Variants in YWHAQ observed in about 807,000 individuals in gnomAD.
YWHAQ encodes the protein 14-3-3 protein theta.
Under a neutral mutation model 28.3 loss-of-function variants are expected in YWHAQ, and 6 were observed. That is an observed-to-expected ratio of 0.21 (90% CI 0.12 to 0.42). The LOEUF is 0.42. Among genes scored for constraint, YWHAQ ranks in the 10% least tolerant of loss-of-function variants. YWHAQ has a pLI of 1.00. For missense variants in YWHAQ, 201 were observed against 305.6 expected (o/e 0.66, Z 2.55); for synonymous variants, 143 against 119.1 (o/e 1.20, Z -1.31).
intron 2 of YWHAQ, among the ~76,000 whole-genome samples, chr2:9,606,888 CTT>C (rs869191589): frequency 5.6e-5 from 8 of 143,720 alleles, no homozygotes; most frequent in Admixed American, 1.4e-4. Context: ...TAATATTTTT[CTT>C]TTTTTTTTTT....
intron 2 of YWHAQ, among the ~76,000 whole-genome samples, chr2:9,614,494 G>A (rs1490581110): frequency 6.6e-6 from 1 of 152,112 alleles, no homozygotes; most frequent in African/African-American, 2.4e-5. Flanking sequence ...AAAATGGGGG[G>A]CAAAAGTCAA....
chr2:9,614,640 A>G (rs542864960), intron 2 of YWHAQ, among the ~76,000 whole-genome samples: 44 of 152,328 alleles, frequency 2.9e-4, no homozygotes, highest in African/African-American at 9.4e-4. Context: ...CTATATCCTA[A>G]GAAGACTACT....
chr2:9,617,519 C>T (rs1667061302), intron 2 of YWHAQ, among the ~76,000 whole-genome samples: 1 of 152,128 alleles, frequency 6.6e-6, no homozygotes, highest in African/African-American at 2.4e-5. Context: ...TGAAGAGTTG[C>T]AGACGATGGT....
chr2:9,595,197 T>C (rs1416128313), intron 2 of YWHAQ, among the ~76,000 whole-genome samples: 1 of 152,238 alleles, frequency 6.6e-6, no homozygotes, highest in Non-Finnish European at 1.5e-5. Flanking sequence ...AGTAAAGATG[T>C]ATACTTTAGC....
At chr2:9,587,349 C>A in intron 5 of YWHAQ, 65 bp downstream of exon 5, 1 of 1,457,380 alleles carries the variant, frequency 6.9e-7, no homozygotes, top group South Asian at 1.3e-5. Flanking sequence ...ACACGAAGTC[C>A]AAAATAAAAT....
chr2:9,617,434 G>A lies in YWHAQ; in HGVS notation c.294+12725C>T, dbSNP rs113361994. ...GGTACCTAGAGTAGTCAAATTCATA[G>A]AAAGTAGAATGGTGGTTGCCAGCGG... On this transcript the variant is annotated intron_variant, in intron 2 of 5. Coordinates refer to ENST00000238081, the MANE Select transcript of YWHAQ (RefSeq NM_006826.4). Among the ~76,000 whole-genome samples, 954 of 152,216 alleles carry A rather than the reference G, an allele frequency of 6.3e-3. 5 individuals carry two copies. The highest frequency in any genetic ancestry group is 0.022 in the African/African-American group (914 of 41,524).
intron 2 of YWHAQ, among the ~76,000 whole-genome samples, chr2:9,617,123 G>A (rs1336279780): frequency 6.9e-6 from 1 of 145,648 alleles, no homozygotes; most frequent in Admixed American, 6.8e-5. Context: ...ACTACGCCCG[G>A]CTAATTTTTT....
At position 9,588,325 on chromosome 2, in the gene YWHAQ, G is replaced by A. The variant is rs767312364; in HGVS notation, c.422C>T (p.Thr141Met). ...EVACGDDRKQTIDNSQGAYQE... is the reference protein window; with the variant it reads ...EVACGDDRKQMIDNSQGAYQE... ...GTAAGCTCCTTGGGAATTATCTATC[G>A]TTTCTGTGAAGAGCGAAAAATAAGA... The change falls in exon 4 of 6, where the codon ACG (threonine) becomes ATG (methionine). Residue 141 changes from threonine (T) to methionine (M), a missense_variant. By Grantham distance (81) the Thr-to-Met change is moderately conservative. Transcript: ENST00000238081. 1.1e-5 allele frequency: 17 copies of A among 1,605,920 alleles called. No individual in the cohort carries two copies. Among genetic ancestry groups the A allele is most frequent in the Non-Finnish European group, 8.5e-6 (10 of 1,178,070 alleles).
chr2:9,610,838 C>T (rs140120317), intron 2 of YWHAQ, among the ~76,000 whole-genome samples: 55 of 152,220 alleles, frequency 3.6e-4, no homozygotes, highest in African/African-American at 1.3e-3. Context: ...AATTTACCTT[C>T]CTGACACGAT....
rs1667353370 is a variant in YWHAQ, at chr2:9,630,621, C to T, written c.-82-87G>A. 4.9e-6 allele frequency: 3 copies of T among 608,164 alleles called. No homozygotes were observed. The highest frequency in any genetic ancestry group is 3.8e-5 in the Admixed American group (1 of 26,540). The allele number at this position is 608,164 out of a possible 1,614,324, so 37.7% of individuals were successfully genotyped here. A position where few individuals can be genotyped will look rare whatever the true frequency, so the allele number is the denominator to read the frequency against. On this transcript the variant is annotated intron_variant, in intron 1 of 5. Transcript: ENST00000238081. This position sits in a 1 kb window ranked among gnomAD's most constrained non-coding sequence, Gnocchi z 5.6. ...TGCGGCCCGCCGCCCGCTTTTGTCTCCCGCACACGCGGCCGCTTGAATTTC... is the reference window on the plus strand; with the variant it reads ...TGCGGCCCGCCGCCCGCTTTTGTCTTCCGCACACGCGGCCGCTTGAATTTC...
Position 9,630,511 on chromosome 2 carries a change from C to T in YWHAQ, c.-59G>A, listed in dbSNP as rs1344517986. On this transcript the variant is annotated 5_prime_UTR_variant, in exon 2 of 6. Transcript: ENST00000238081. This position sits in a 1 kb window ranked among gnomAD's most constrained non-coding sequence, Gnocchi z 5.6. ...GAGGAGAGCGAGGGCGAGCGCCGACCCGCAGCGGGAGGAGCCTCGAGAGCT... is the reference window on the plus strand; with the variant it reads ...GAGGAGAGCGAGGGCGAGCGCCGACTCGCAGCGGGAGGAGCCTCGAGAGCT... The T allele has an allele frequency of 4.1e-6, 6 of 1,466,622 alleles. No homozygotes were observed. Among genetic ancestry groups the T allele is most frequent in the Non-Finnish European group, 5.4e-6 (6 of 1,107,974 alleles). 90.9% of individuals were successfully genotyped at this position (1,466,622 alleles called of 1,614,324 possible). A position where few individuals can be genotyped will look rare whatever the true frequency, so the allele number is the denominator to read the frequency against.
chr2:9,617,417 G>C (rs1037804572), intron 2 of YWHAQ, among the ~76,000 whole-genome samples: 5 of 152,094 alleles, frequency 3.3e-5, no homozygotes, highest in African/African-American at 1.2e-4. Context: ...GAGGTACCTA[G>C]AGTAGTCAAA....
intron 2 of YWHAQ, among the ~76,000 whole-genome samples, chr2:9,627,797 G>T (rs937987189): frequency 1.3e-5 from 2 of 152,082 alleles, no homozygotes; most frequent in African/African-American, 4.8e-5. Flanking sequence ...CTCTGCACAT[G>T]AACTCTGCTC....
intron 2 of YWHAQ, among the ~76,000 whole-genome samples, chr2:9,607,400 A>G (rs1283044600): frequency 6.8e-6 from 1 of 146,056 alleles, no homozygotes; most frequent in Non-Finnish European, 1.5e-5. Flanking sequence ...TAGTAGACTG[A>G]ATTTCACCAT....
At chr2:9,607,227 G>C (rs573558410) in intron 2 of YWHAQ, among the ~76,000 whole-genome samples, 2 of 148,888 alleles carry the variant, frequency 1.3e-5, no homozygotes, top group East Asian at 3.9e-4. Flanking sequence ...TTGAGACAGG[G>C]TTTTGCTCTG....
At chr2:9,600,166 A>C (rs1267177677) in intron 2 of YWHAQ, among the ~76,000 whole-genome samples, 1 of 152,238 alleles carries the variant, frequency 6.6e-6, no homozygotes, top group Non-Finnish European at 1.5e-5. Flanking sequence ...AATTGCTGCA[A>C]ACTCATGTTA....
chr2:9,599,767 G>A lies in YWHAQ; in HGVS notation c.295-8252C>T, dbSNP rs546109188. On this transcript the variant is annotated intron_variant, in intron 2 of 5. Coordinates refer to ENST00000238081, the MANE Select transcript of YWHAQ (RefSeq NM_006826.4). ...TCTGAGGGAGATGTACAAGATTAAT[G>A]CTGTTTTCATGCCTGCTCACATAAA... Among the ~76,000 whole-genome samples, 3 of 152,290 alleles carry A rather than the reference G, an allele frequency of 2.0e-5. 1 individual carries two copies. The South Asian group carries it at 6.2e-4, about 32-fold the overall frequency.
intron 2 of YWHAQ, among the ~76,000 whole-genome samples, chr2:9,617,516 T>C (rs1667061227): frequency 6.6e-6 from 1 of 151,994 alleles, no homozygotes; most frequent in Non-Finnish European, 1.5e-5. Context: ...AGATGAAGAG[T>C]TGCAGACGAT....
intron 2 of YWHAQ, among the ~76,000 whole-genome samples, chr2:9,592,068 G>A (rs780300142): frequency 6.6e-4 from 101 of 152,124 alleles, no homozygotes; most frequent in Non-Finnish European, 1.2e-3. Context: ...ACAGAAAACA[G>A]GGATGTGCAC....
Sources: allele counts gnomAD v4.1 joint callset (sites outside exome capture counted in the v4.1 genomes callset), GRCh38; gene constraint gnomAD v4.1.1; non-coding constraint Gnocchi (gnomAD v3.1); transcripts MANE v1.5; gene names NCBI Gene and HGNC (gene_info 2026-07-23, HGNC 2026-07-21).